The following PXDN variants were observed in gnomAD, a reference collection of about 807,000 sequenced individuals.
The protein encoded by PXDN is peroxidasin homolog.
PXDN carries 77 observed loss-of-function variants against 140.3 expected under a neutral mutation model. The observed-to-expected ratio is 0.55, with a 90% CI of 0.46 to 0.66. PXDN has a LOEUF of 0.66. Ranked by LOEUF, PXDN falls within the 30% of genes least tolerant of loss-of-function variation. The probability of loss-of-function intolerance (pLI) is 0.00; values close to 1 mark genes in which losing one functional copy is unlikely to be tolerated. For synonymous variants in PXDN, 911 were observed against 857.4 expected, an observed-to-expected ratio of 1.06 and a Z score of -1.09; for missense variants, 1,838 against 2,039.5, an observed-to-expected ratio of 0.90 and a Z score of 1.90.
chr2:1,739,501 A>G (rs940915154), intron 1 of PXDN, among the ~76,000 whole-genome samples: 3 of 152,186 alleles, frequency 2.0e-5, no homozygotes, highest in African/African-American at 7.2e-5. Flanking sequence ...AAGATCTAAC[A>G]ATAGAAGAGC....
At chr2:1,658,027 G>GCTCTCTCTCTCTCT (rs1156959508) in intron 14 of PXDN, among the ~76,000 whole-genome samples, 2 of 4,906 alleles carry the variant, frequency 4.1e-4, no homozygotes, top group Non-Finnish European at 9.2e-4. Context: ...TCAGCTGTGG[G>GCTCTCTCTCTCTCT]CTCTCTCTCT....
chr2:1,701,036 C>T (rs1448690162), intron 1 of PXDN, among the ~76,000 whole-genome samples: 3 of 152,222 alleles, frequency 2.0e-5, no homozygotes, highest in Non-Finnish European at 4.4e-5. Context: ...CACCTGGCCC[C>T]GCTGGGAAAG....
chr2:1,744,470 ACGGACGCT>A lies in PXDN; in HGVS notation c.-23_-16del, dbSNP rs1200478330. On this transcript the variant is annotated 5_prime_UTR_variant, in exon 1 of 23. Transcript: ENST00000252804. ...CGCTTGGCCATGGCCGACGGCGCGGACGGACGCTCGGACGCACGGAGCCACCACGGCCG... is the reference window on the plus strand; with the variant it reads ...CGCTTGGCCATGGCCGACGGCGCGGACGGACGCACGGAGCCACCACGGCCG... 4 of 1,441,418 alleles carry A rather than the reference ACGGACGCT, an allele frequency of 2.8e-6. No individual in the cohort carries two copies. Among genetic ancestry groups the A allele is most frequent in the African/African-American group, 1.5e-5 (1 of 67,108 alleles). 89.3% of individuals were successfully genotyped at this position (1,441,418 alleles called of 1,614,324 possible).
intron 1 of PXDN, among the ~76,000 whole-genome samples, chr2:1,729,719 A>T (rs956909076): frequency 1.2e-4 from 19 of 152,248 alleles, no homozygotes; most frequent in South Asian, 4.2e-4. Context: ...AATTTTTTTT[A>T]AAAAAAGATT....
rs1238262560 is a variant in PXDN, at chr2:1,660,625, GC to G, written c.1837+255del. ...TGGATGGGCTGCAGGGTAAGACATT[GC>G]CCAGTGGACAGGCTGCAGGACAAAG... On this transcript the variant is annotated intron_variant, in intron 14 of 22. Coordinates refer to ENST00000252804, the MANE Select transcript of PXDN (RefSeq NM_012293.3). The surrounding 1 kb of genome is among the most constrained non-coding windows in gnomAD (Gnocchi z 4.6). 1.3e-5 allele frequency among the ~76,000 whole-genome samples: 2 copies of G among 152,182 alleles called. No individual in the cohort carries two copies. The highest frequency in any genetic ancestry group is 1.3e-4 in the Admixed American group (2 of 15,294).
chr2:1,706,788 T>C (rs1421675604), intron 1 of PXDN, among the ~76,000 whole-genome samples: 2 of 131,162 alleles, frequency 1.5e-5, no homozygotes, highest in Admixed American at 7.4e-5. Context: ...ACTTCAGTGA[T>C]CACCAATCAG....
At position 1,662,050 on chromosome 2, in the gene PXDN, G is replaced by A; in HGVS notation, c.1680+22C>T. 1.3e-6 allele frequency: 2 copies of A among 1,558,210 alleles called. 1 individual carries two copies. Among genetic ancestry groups the A allele is most frequent in the South Asian group, 2.4e-5 (2 of 84,966 alleles). On this transcript the variant is annotated intron_variant, in intron 13 of 22. Transcript: ENST00000252804. ...CTACCTTGTATCTGGGTGGTGGCTG[G>A]CTCGGGCACCAGACCGCCTACCTTG...
At chr2:1,655,395 C>CCACACACATCACATTATA (rs1683108164) in intron 14 of PXDN, among the ~76,000 whole-genome samples, 1 of 151,270 alleles carries the variant, frequency 6.6e-6, no homozygotes, top group Non-Finnish European at 1.5e-5. Flanking sequence ...CACACACACA[C>CCACACACATCACATTATA]CACACACATC....
At chr2:1,723,077 T>C (rs1685090901) in intron 1 of PXDN, among the ~76,000 whole-genome samples, 1 of 152,130 alleles carries the variant, frequency 6.6e-6, no homozygotes, top group Non-Finnish European at 1.5e-5. Flanking sequence ...AATGGATGGA[T>C]GGATGAATAG....
chr2:1,684,716 G>T (rs913730494), intron 4 of PXDN, among the ~76,000 whole-genome samples: 4 of 152,154 alleles, frequency 2.6e-5, no homozygotes, highest in African/African-American at 9.7e-5. Flanking sequence ...CTTTCCTCGG[G>T]TGTCGTTGAT....
chr2:1,744,395 C>T lies in PXDN; in HGVS notation c.61G>A (p.Ala21Thr), dbSNP rs1180601770. The T allele has an allele frequency of 6.6e-7, 1 of 1,524,618 alleles. No individual in the cohort carries two copies. Among genetic ancestry groups the T allele is most frequent in the East Asian group, 2.5e-5 (1 of 39,710 alleles). The allele number at this position is 1,524,618 out of a possible 1,614,324, so 94.4% of individuals were successfully genotyped here. The change falls in exon 1 of 23, where the codon GCC (alanine) becomes ACC (threonine). Residue 21 changes from alanine to threonine, a missense_variant. Transcript: ENST00000252804. Reference sequence around the variant, plus strand: ...GCCACCACGGCCAGCGTCCCCCAGGCGCAGAACAGCACGAGCGCCAACAGG... The same window carrying T: ...GCCACCACGGCCAGCGTCCCCCAGGTGCAGAACAGCACGAGCGCCAACAGG... ...RCLLALVLFC[A>T]WGTLAVVAQK...
chr2:1,660,214 T>C lies in PXDN; in HGVS notation c.1837+667A>G, dbSNP rs1683270312. Among the ~76,000 whole-genome samples the C allele has an allele frequency of 1.3e-5, 2 of 152,220 alleles. No homozygotes were observed. The highest frequency in any genetic ancestry group is 2.1e-4 in the South Asian group (1 of 4,816). On this transcript the variant is annotated intron_variant, in intron 14 of 22. Transcript: ENST00000252804. This position sits in a 1 kb window ranked among gnomAD's most constrained non-coding sequence, Gnocchi z 4.6. ...ATGGAGAAGGGTCAGGGACACATCA[T>C]GGGCATCATGGGGTCTGTGGGTTGA...
chr2:1,689,732 C>T (rs1005274079), intron 3 of PXDN, among the ~76,000 whole-genome samples: 18 of 150,030 alleles, frequency 1.2e-4, no homozygotes, highest in Non-Finnish European at 2.5e-4. Context: ...TGCAGTAAGC[C>T]GAGATCACAC....
At position 1,649,487 on chromosome 2, in the gene PXDN, G is replaced by A. The variant is rs1682959979; in HGVS notation, c.2293C>T (p.Arg765Cys). The A allele has an allele frequency of 6.2e-7, 1 of 1,613,884 alleles. No individual in the cohort carries two copies. Among genetic ancestry groups the A allele is most frequent in the African/African-American group, 1.3e-5 (1 of 74,932 alleles). ...MWGASLTAFE[R>C]LLKSVYENGF... is the part of the protein sequence containing the mutation. ...TTCTCGTACACGGATTTCAGCAGGC[G>A]CTCGAAGGCGGTCAGCGAGGCGCCC... The change falls in exon 17 of 23, where the codon CGC (arginine) becomes TGC (cysteine). Residue 765 changes from arginine (R) to cysteine (C), a missense_variant. Transcript: ENST00000252804. This position sits in a 1 kb window ranked among gnomAD's most constrained non-coding sequence, Gnocchi z 7.1.
chr2:1,645,495 C>T (rs542818583), intron 17 of PXDN, among the ~76,000 whole-genome samples: 1 of 152,294 alleles, frequency 6.6e-6, no homozygotes, highest in East Asian at 1.9e-4. Flanking sequence ...CTACAAAACT[C>T]AAATCAGTGA....
intron 1 of PXDN, among the ~76,000 whole-genome samples, chr2:1,711,824 T>C (rs1421481521): frequency 6.6e-6 from 1 of 152,116 alleles, no homozygotes; most frequent in African/African-American, 2.4e-5. Flanking sequence ...AAATCCTCAC[T>C]CAGGTCTGTG....
intron 15 of PXDN, 107 bp from the exon 16 acceptor site, chr2:1,653,892 T>C (rs1683070569): frequency 3.8e-6 from 5 of 1,307,990 alleles, no homozygotes; most frequent in Non-Finnish European, 5.2e-6. Context: ...CTACGGCTAC[T>C]TTCTACAACA....
Position 1,734,907 on chromosome 2 carries a change from AT to A in PXDN, c.200+9348del, listed in dbSNP as rs548113077. Among the ~76,000 whole-genome samples, 261 of 152,302 alleles carry A rather than the reference AT, an allele frequency of 1.7e-3. 1 individual carries two copies. Among genetic ancestry groups the A allele is most frequent in the African/African-American group, 6.1e-3 (254 of 41,562 alleles). The stretch of plus-strand genomic sequence containing the variant: ...TAAAAATAAAGGCTCACATTTGCCT[AT>A]CCTATAAAAATGGGAGTCAAACCCT... On this transcript the variant is annotated intron_variant, in intron 1 of 22. Coordinates refer to ENST00000252804, the MANE Select transcript of PXDN (RefSeq NM_012293.3).
rs563464547 is a variant in PXDN at position 1,663,818 on chromosome 2, C to A, written c.1409-55G>T. On this transcript the variant is annotated intron_variant, in intron 11 of 22. Coordinates refer to ENST00000252804, the MANE Select transcript of PXDN (RefSeq NM_012293.3). Reference sequence around the variant, plus strand: ...CACTCGGACGCATGGAGAACTCCTGCTCTCAGACTGACAGCATGACCACAG... The same window carrying A: ...CACTCGGACGCATGGAGAACTCCTGATCTCAGACTGACAGCATGACCACAG... 7.7e-5 allele frequency: 121 copies of A among 1,580,988 alleles called. 1 individual carries two copies. The highest frequency in any genetic ancestry group is 3.4e-4 in the Admixed American group (20 of 59,252).
Sources: allele counts gnomAD v4.1 joint callset (sites outside exome capture counted in the v4.1 genomes callset), GRCh38; gene constraint gnomAD v4.1.1; non-coding constraint Gnocchi (gnomAD v3.1); transcripts MANE v1.5; gene names NCBI Gene and HGNC (gene_info 2026-07-23, HGNC 2026-07-21).